The following ZBTB44 variants were observed in gnomAD, a reference collection of about 807,000 sequenced individuals.
ZBTB44 encodes zinc finger and BTB domain-containing protein 44.
A neutral mutation model predicts 54.0 loss-of-function variants in ZBTB44; 15 were observed. That is an observed-to-expected ratio of 0.28 (90% confidence interval 0.19 to 0.43). The LOEUF (loss-of-function observed/expected upper bound fraction) is 0.43. Among genes scored for constraint, ZBTB44 ranks in the 20% least tolerant of loss-of-function variants. The pLI is 1.00. For missense variants in ZBTB44, 487 were observed against 707.1 expected, an observed-to-expected ratio of 0.69 and a Z score of 3.53; for synonymous variants, 230 against 250.1, an observed-to-expected ratio of 0.92 and a Z score of 0.76.
chr11:130,246,127 A>G (rs183621977), intron 2 of ZBTB44, among the ~76,000 whole-genome samples: 2 of 152,214 alleles, frequency 1.3e-5, no homozygotes, highest in African/African-American at 2.4e-5. Context: ...GTAAACACAT[A>G]GTGTTATATC....
intron 2 of ZBTB44, among the ~76,000 whole-genome samples, chr11:130,253,030 C>A (rs1415723873): frequency 1.3e-5 from 2 of 152,194 alleles, no homozygotes; most frequent in Non-Finnish European, 2.9e-5. Context: ...ATGCTAAAAA[C>A]TCTCAATAAA....
At chr11:130,307,396 G>T (rs1166658379) in intron 1 of ZBTB44, among the ~76,000 whole-genome samples, 1 of 147,166 alleles carries the variant, frequency 6.8e-6, no homozygotes, top group East Asian at 2.0e-4. Flanking sequence ...CTGCACTCCA[G>T]CCTGGGCAAC....
At chr11:130,265,760 G>A (rs548710252) in intron 1 of ZBTB44, among the ~76,000 whole-genome samples, 13 of 152,254 alleles carry the variant, frequency 8.5e-5, no homozygotes, top group South Asian at 4.1e-4. Flanking sequence ...CTAATCCAGC[G>A]CAAGGCCATA....
intron 1 of ZBTB44, among the ~76,000 whole-genome samples, chr11:130,272,090 G>T (rs1054282044): frequency 2.0e-5 from 3 of 152,092 alleles, no homozygotes; most frequent in African/African-American, 7.2e-5. Flanking sequence ...AAATTAGCTG[G>T]GTGTAGGGGT....
chr11:130,297,039 A>G lies in ZBTB44; in HGVS notation c.-57+17336T>C, dbSNP rs570127105. On this transcript the variant is annotated intron_variant, in intron 1 of 7. Transcript: ENST00000357899. ...CATTAGCAAGAAATCATCCGATAGCAGGCAGCTCTCTCATTGAAGACATGC... is the reference window on the plus strand; with the variant it reads ...CATTAGCAAGAAATCATCCGATAGCGGGCAGCTCTCTCATTGAAGACATGC... 1.2e-5 allele frequency: 8 copies of G among 684,280 alleles called. No individual in the cohort carries two copies. The African/African-American group carries it at 1.3e-4, about 11-fold the overall frequency. 42.4% of individuals were successfully genotyped at this position (684,280 alleles called of 1,614,324 possible).
At chr11:130,253,211 T>C (rs1366383511) in intron 2 of ZBTB44, among the ~76,000 whole-genome samples, 2 of 152,242 alleles carry the variant, frequency 1.3e-5, no homozygotes, top group African/African-American at 4.8e-5. Context: ...TTGGAAGTTC[T>C]GGCCAGGGCA....
chr11:130,268,993 A>T (rs914209957), intron 1 of ZBTB44, among the ~76,000 whole-genome samples: 1 of 138,864 alleles, frequency 7.2e-6, no homozygotes, highest in Non-Finnish European at 1.5e-5. Context: ...AAGTCTCTTT[A>T]AAAAAAAAAA....
intron 1 of ZBTB44, among the ~76,000 whole-genome samples, chr11:130,313,917 T>TGC (rs1225749810): frequency 7.6e-6 from 1 of 131,900 alleles, no homozygotes; most frequent in East Asian, 2.2e-4. Flanking sequence ...GGTGTGTGTG[T>TGC]GTGTGTATGT....
intron 1 of ZBTB44, among the ~76,000 whole-genome samples, chr11:130,268,195 G>C (rs1226368734): frequency 1.4e-5 from 2 of 148,098 alleles, no homozygotes; most frequent in Non-Finnish European, 3.0e-5. Flanking sequence ...GGAGCTCAAT[G>C]CAATGGAGTG....
intron 1 of ZBTB44, among the ~76,000 whole-genome samples, chr11:130,279,090 G>A (rs983414813): frequency 2.6e-5 from 4 of 151,828 alleles, no homozygotes; most frequent in Non-Finnish European, 5.9e-5. Flanking sequence ...CTTTCTTGGT[G>A]CTTCTTACTG....
At chr11:130,292,873 G>A (rs1407449799) in intron 1 of ZBTB44, among the ~76,000 whole-genome samples, 2 of 151,992 alleles carry the variant, frequency 1.3e-5, no homozygotes, top group East Asian at 1.9e-4. Context: ...AAAATAAGAC[G>A]TTTCTCACTA....
chr11:130,310,665 A>C (rs1942545287), intron 1 of ZBTB44, among the ~76,000 whole-genome samples: 1 of 152,218 alleles, frequency 6.6e-6, no homozygotes, highest in Admixed American at 6.5e-5. Flanking sequence ...TAGATACTAA[A>C]AGGAGTATGG....
intron 2 of ZBTB44, among the ~76,000 whole-genome samples, chr11:130,242,924 GTC>G (rs1193318262): frequency 1.3e-5 from 2 of 152,104 alleles, no homozygotes; most frequent in Admixed American, 6.5e-5. Flanking sequence ...CCACCACTGT[GTC>G]TCTCTCTGTG....
chr11:130,313,832 G>A (rs1400713982), intron 1 of ZBTB44, among the ~76,000 whole-genome samples: 2 of 151,908 alleles, frequency 1.3e-5, no homozygotes, highest in Admixed American at 1.3e-4. Context: ...ATTTCTCGAG[G>A]TAACCCCTTT....
intron 1 of ZBTB44, among the ~76,000 whole-genome samples, chr11:130,290,784 T>C (rs1941254250): frequency 6.6e-6 from 1 of 152,210 alleles, no homozygotes; most frequent in Non-Finnish European, 1.5e-5. Flanking sequence ...AGAACTATTA[T>C]TATCTCCCAT....
intron 1 of ZBTB44, among the ~76,000 whole-genome samples, chr11:130,307,290 T>C (rs1350283678): frequency 6.6e-6 from 1 of 151,898 alleles, no homozygotes; most frequent in Non-Finnish European, 1.5e-5. Flanking sequence ...CCAGGCATGG[T>C]GGCAGGCACC....
At chr11:130,306,532 C>T (rs546281419) in intron 1 of ZBTB44, among the ~76,000 whole-genome samples, 1 of 151,826 alleles carries the variant, frequency 6.6e-6, no homozygotes, top group South Asian at 2.1e-4. Context: ...AGTAGAACTA[C>T]CATTTGATCC....
At chr11:130,260,220 G>T (rs571310982) in intron 2 of ZBTB44, among the ~76,000 whole-genome samples, 100 of 152,230 alleles carry the variant, frequency 6.6e-4, no homozygotes, top group African/African-American at 2.3e-3. Context: ...ACATCATTTT[G>T]CACTGAATTC....
intron 1 of ZBTB44, among the ~76,000 whole-genome samples, chr11:130,309,756 G>T (rs1355383380): frequency 2.0e-5 from 3 of 151,948 alleles, no homozygotes; most frequent in Non-Finnish European, 1.5e-5. Context: ...GCTGGGCGTG[G>T]TGGTACATGC....
Sources: allele counts gnomAD v4.1 joint callset (sites outside exome capture counted in the v4.1 genomes callset), GRCh38; gene constraint gnomAD v4.1.1; transcripts MANE v1.5; gene names NCBI Gene and HGNC (gene_info 2026-07-23, HGNC 2026-07-21).